PRKG1: variants seen among roughly 807,000 people sequenced by gnomAD.
PRKG1 encodes protein kinase cGMP-dependent 1, also known as cGMP-dependent protein kinase 1.
Under a neutral mutation model 88.1 loss-of-function variants are expected in PRKG1, and 35 were observed. The ratio of observed to expected loss-of-function variants is 0.40; its 90% confidence interval spans 0.30 to 0.53. The LOEUF (loss-of-function observed/expected upper bound fraction) is 0.53, where lower values mean the gene tolerates loss of function less well. Among genes scored for constraint, PRKG1 ranks in the 20% least tolerant of loss-of-function variants. PRKG1 has a pLI of 0.59. For missense variants in PRKG1, 540 were observed against 839.8 expected (o/e 0.64, Z 4.41); for synonymous variants, 303 against 292.5 (o/e 1.04, Z -0.37).
chr10:51,518,503 C>T (rs1028806102), intron 3 of PRKG1, among the ~76,000 whole-genome samples: 3 of 152,182 alleles, frequency 2.0e-5, no homozygotes, highest in African/African-American at 7.2e-5. Flanking sequence ...ATCCTGTTAG[C>T]ATAGTCTGAC....
At chr10:51,550,802 T>C (rs1038811572) in intron 3 of PRKG1, among the ~76,000 whole-genome samples, 5 of 151,934 alleles carry the variant, frequency 3.3e-5, no homozygotes, top group Non-Finnish European at 5.9e-5. Flanking sequence ...ATGGGAAAAC[T>C]ATGGTTTCAA....
chr10:52,081,996 G>T (rs1358439199), intron 7 of PRKG1, among the ~76,000 whole-genome samples: 1 of 152,126 alleles, frequency 6.6e-6, no homozygotes, highest in East Asian at 1.9e-4. Context: ...ATAAAGAAGA[G>T]ATGTTTAATT....
intron 3 of PRKG1, among the ~76,000 whole-genome samples, chr10:51,731,586 G>A (rs147748199): frequency 2.0e-4 from 31 of 152,310 alleles, no homozygotes; most frequent in African/African-American, 7.0e-4. Context: ...CCATCAAGAA[G>A]AGAAAATAAT....
At chr10:51,210,094 A>C (rs1209631118) in intron 2 of PRKG1, among the ~76,000 whole-genome samples, 1 of 152,220 alleles carries the variant, frequency 6.6e-6, no homozygotes, top group Non-Finnish European at 1.5e-5. Flanking sequence ...ATGTAAAAGA[A>C]CAGAAATTAT....
chr10:52,111,934 G>A (rs933122171), intron 7 of PRKG1, among the ~76,000 whole-genome samples: 5 of 152,086 alleles, frequency 3.3e-5, no homozygotes, highest in Non-Finnish European at 7.4e-5. Context: ...TTATGATAGT[G>A]CCTGTCTTTA....
At chr10:51,302,864 T>A (rs1398844181) in intron 2 of PRKG1, 4 of 152,192 alleles carry the variant, frequency 2.6e-5, no homozygotes, top group Admixed American at 2.6e-4. Context: ...TCCTCCTTTT[T>A]AAAATAGGGA....
rs116480396 is a variant in PRKG1, at chr10:52,121,938, T to G, written c.936-11902T>G. On this transcript the variant is annotated intron_variant, in intron 7 of 17. Coordinates refer to ENST00000373980, the MANE Select transcript of PRKG1 (RefSeq NM_006258.4). ...GTCATTATTCCATTCCAAAGCTACT[T>G]CCACGTTTTCAGATATTTGTTTTAG... Among the ~76,000 whole-genome samples, 948 of 152,268 alleles carry G rather than the reference T, an allele frequency of 6.2e-3. 6 individuals carry two copies. The highest frequency in any genetic ancestry group is 0.021 in the African/African-American group (873 of 41,548).
intron 1 of PRKG1, among the ~76,000 whole-genome samples, chr10:51,110,826 C>T (rs1302197975): frequency 6.6e-6 from 1 of 152,104 alleles, no homozygotes; most frequent in Non-Finnish European, 1.5e-5. Flanking sequence ...AGCCCAACTG[C>T]GGAATCCACT....
intron 2 of PRKG1, among the ~76,000 whole-genome samples, chr10:51,409,861 A>AC (rs1387740925): frequency 6.6e-6 from 1 of 150,846 alleles, no homozygotes; most frequent in African/African-American, 2.4e-5. Context: ...AAAAAAAAAA[A>AC]AAAAAAAAAG....
chr10:51,671,590 C>CTTT (rs757314460), intron 3 of PRKG1, among the ~76,000 whole-genome samples: 6 of 141,772 alleles, frequency 4.2e-5, no homozygotes, highest in African/African-American at 7.8e-5. Flanking sequence ...CTCTCTCTCT[C>CTTT]TTTTTTTTTT....
At chr10:51,682,213 G>C (rs1384457982) in intron 3 of PRKG1, among the ~76,000 whole-genome samples, 1 of 152,126 alleles carries the variant, frequency 6.6e-6, no homozygotes, top group Non-Finnish European at 1.5e-5. Flanking sequence ...ACATAAGATT[G>C]CCTTCACCAT....
intron 3 of PRKG1, among the ~76,000 whole-genome samples, chr10:51,675,362 T>C (rs573408463): frequency 1.3e-5 from 2 of 152,228 alleles, no homozygotes; most frequent in Non-Finnish European, 2.9e-5. Context: ...GTATCATGTC[T>C]TGCTGACCTT....
intron 2 of PRKG1, among the ~76,000 whole-genome samples, chr10:51,274,458 G>A (rs1840062623): frequency 6.6e-6 from 1 of 152,188 alleles, no homozygotes; most frequent in Non-Finnish European, 1.5e-5. Context: ...ATTGTTCTAA[G>A]TGCAATTGAA....
intron 9 of PRKG1, among the ~76,000 whole-genome samples, chr10:52,244,208 A>AT (rs1840943910): frequency 6.6e-6 from 1 of 152,028 alleles, no homozygotes; most frequent in Non-Finnish European, 1.5e-5. Context: ...GTTTAAAGAG[A>AT]TTTTTTAAAA....
chr10:51,243,401 C>G (rs926856966), intron 2 of PRKG1, among the ~76,000 whole-genome samples: 1 of 152,194 alleles, frequency 6.6e-6, no homozygotes, highest in East Asian at 1.9e-4. Context: ...GCAGAAGGCT[C>G]TTGCCCTGGT....
chr10:51,803,619 G>A (rs1434690201), intron 3 of PRKG1, among the ~76,000 whole-genome samples: 1 of 152,036 alleles, frequency 6.6e-6, no homozygotes, highest in Non-Finnish European at 1.5e-5. Context: ...AGAAAATTGC[G>A]CTCTTCTGTC....
At chr10:51,303,523 A>G (rs1201644726) in intron 2 of PRKG1, among the ~76,000 whole-genome samples, 2 of 151,780 alleles carry the variant, frequency 1.3e-5, no homozygotes, top group African/African-American at 4.8e-5. Context: ...TTTCAACTCA[A>G]TGATTAGCAA....
intron 3 of PRKG1, among the ~76,000 whole-genome samples, chr10:51,516,882 A>G (rs891989505): frequency 6.6e-5 from 10 of 152,328 alleles, no homozygotes; most frequent in Admixed American, 6.5e-4. Context: ...GGTAGGCAAT[A>G]AACAAATATA....
chr10:52,093,704 T>G (rs555714956), intron 7 of PRKG1, among the ~76,000 whole-genome samples: 3 of 152,336 alleles, frequency 2.0e-5, no homozygotes, highest in African/African-American at 4.8e-5. Flanking sequence ...CTCTGTTTAT[T>G]ACTTCCATTT....
Sources: allele counts gnomAD v4.1 joint callset (sites outside exome capture counted in the v4.1 genomes callset), GRCh38; gene constraint gnomAD v4.1.1; transcripts MANE v1.5; gene names NCBI Gene and HGNC (gene_info 2026-07-23, HGNC 2026-07-21).